PTER: variants seen among roughly 807,000 people sequenced by gnomAD.
PTER encodes phosphotriesterase related.
Under a neutral mutation model 29.6 loss-of-function variants are expected in PTER, and 38 were observed. The observed-to-expected ratio is 1.28, with a 90% CI of 0.99 to 1.68. The LOEUF (loss-of-function observed/expected upper bound fraction) is 1.68. Ranked by LOEUF, PTER falls within the 40% of genes most tolerant of loss-of-function variation. The pLI, the probability that PTER is intolerant of heterozygous loss-of-function variation, is 0.00. For synonymous variants in PTER, 172 were observed against 154.5 expected (o/e 1.11, Z -0.84); for missense variants, 482 against 427.8 (o/e 1.13, Z -1.12).
At chr10:16,516,031 T>G (rs1344605668), downstream of PTER, among the ~76,000 whole-genome samples, 10 of 152,194 alleles carry the variant, frequency 6.6e-5, no homozygotes, top group Admixed American at 1.3e-4. Flanking sequence ...AGTCTCACGT[T>G]AATGCTGAAA....
At chr10:16,439,673 A>T (rs1243263428) in intron 1 of PTER, among the ~76,000 whole-genome samples, 1 of 152,208 alleles carries the variant, frequency 6.6e-6, no homozygotes, top group African/African-American at 2.4e-5. Context: ...TACAGGACCC[A>T]TTCATACAGG....
chr10:16,509,267 G>A (rs1836717998), intron 4 of PTER, among the ~76,000 whole-genome samples: 1 of 151,518 alleles, frequency 6.6e-6, no homozygotes, highest in Non-Finnish European at 1.5e-5. Context: ...ATGATTGTGT[G>A]TCCAGAGCCA....
At chr10:16,502,888 C>G (rs561751136) in intron 3 of PTER, among the ~76,000 whole-genome samples, 2 of 149,036 alleles carry the variant, frequency 1.3e-5, no homozygotes, top group Non-Finnish European at 3.0e-5. Context: ...ACTCGGGAGG[C>G]TGAAGCAAGA....
intron 1 of PTER, among the ~76,000 whole-genome samples, chr10:16,456,767 T>G (rs914311961): frequency 2.7e-5 from 4 of 147,500 alleles, no homozygotes; most frequent in African/African-American, 1.0e-4. Context: ...GGTTTGGCTG[T>G]GTCCCCATCC....
At chr10:16,497,378 T>G (rs894275113) in intron 3 of PTER, among the ~76,000 whole-genome samples, 3 of 106,932 alleles carry the variant, frequency 2.8e-5, no homozygotes, top group African/African-American at 1.1e-4. Flanking sequence ...TATTTGTACT[T>G]CAATGTTTTT....
rs1833758912 is a variant in PTER at position 16,439,032 on chromosome 10, G to GT, written c.-49+1992dup. 2.6e-5 allele frequency among the ~76,000 whole-genome samples: 4 copies of GT among 152,074 alleles called. No individual in the cohort carries two copies. In the South Asian group the frequency reaches 8.3e-4, roughly 32 times the overall value. On this transcript the variant is annotated intron_variant, in intron 1 of 4. Transcript: ENST00000535784. ...TACCATTTAATGATATTTTGGGCCA[G>GT]TTTTTTTCCTTTTTAATTGGGCAGC...
At chr10:16,508,694 A>ATT (rs770118284) in intron 4 of PTER, among the ~76,000 whole-genome samples, 63 of 152,192 alleles carry the variant, frequency 4.1e-4, no homozygotes, top group Non-Finnish European at 6.3e-4. Flanking sequence ...GTGTATATAT[A>ATT]TATAAAATAC....
intron 1 of PTER, among the ~76,000 whole-genome samples, chr10:16,467,600 T>A (rs543970132): frequency 2.0e-5 from 3 of 152,066 alleles, no homozygotes; most frequent in Non-Finnish European, 2.9e-5. Flanking sequence ...TCACCTGAGG[T>A]CAGGAGTTCG....
intron 3 of PTER, among the ~76,000 whole-genome samples, chr10:16,500,406 C>T (rs1836289577): frequency 6.6e-6 from 1 of 151,874 alleles, no homozygotes; most frequent in South Asian, 2.1e-4. Context: ...CACACCACCA[C>T]ACCCTGCTAA....
chr10:16,484,307 G>A lies in PTER; in HGVS notation c.-48-30G>A. On this transcript the variant is annotated intron_variant, in intron 1 of 4. Transcript: ENST00000535784. The stretch of plus-strand genomic sequence containing the variant: ...TATGTGTGTGTTAAATATTCTGATT[G>A]TAGTTGTTTGTTTGTTTGTTTGTTT... 3.0e-6 allele frequency: 4 copies of A among 1,325,488 alleles called. No individual in the cohort carries two copies. The South Asian group carries it at 4.3e-5, about 14-fold the overall frequency. 82.1% of individuals were successfully genotyped at this position (1,325,488 alleles called of 1,614,324 possible).
At chr10:16,505,389 A>G (rs1312252680) in intron 4 of PTER, among the ~76,000 whole-genome samples, 3 of 152,194 alleles carry the variant, frequency 2.0e-5, no homozygotes, top group Admixed American at 6.5e-5. Flanking sequence ...TTAGAAGTTC[A>G]GTGCAGATGG....
chr10:16,447,983 T>C (rs1020292710), intron 1 of PTER, among the ~76,000 whole-genome samples: 2 of 152,234 alleles, frequency 1.3e-5, no homozygotes, highest in African/African-American at 2.4e-5. Context: ...GGAATGCTGC[T>C]GTGTACACCC....
At chr10:16,515,762 G>A (rs1205424998), downstream of PTER, among the ~76,000 whole-genome samples, 1 of 152,080 alleles carries the variant, frequency 6.6e-6, no homozygotes, top group Non-Finnish European at 1.5e-5. Flanking sequence ...ACTTAGATTT[G>A]ATTTATTTCA....
At position 16,511,152 on chromosome 10, in the gene PTER, A is replaced by G; in HGVS notation, c.946A>G (p.Ile316Val). The G allele has an allele frequency of 1.2e-6, 2 of 1,614,172 alleles. No homozygotes were observed. Among genetic ancestry groups the G allele is most frequent in the Non-Finnish European group, 1.7e-6 (2 of 1,180,002 alleles). The change falls in exon 5 of 5, where the codon ATA becomes GTA. Residue 316 changes from isoleucine (I) to valine (V), a missense_variant. Transcript: ENST00000535784. ...ATATGGAGGTCACGGCTATTCTCAT[A>G]TACTCACCAATGTTGTTCCTAAAAT... is the stretch of plus-strand genomic sequence containing the variant. Reference protein sequence around the residue: ...MKYGGHGYSHILTNVVPKMLL... With the variant: ...MKYGGHGYSHVLTNVVPKMLL...
intron 1 of PTER, among the ~76,000 whole-genome samples, chr10:16,482,844 C>T (rs11254017): frequency 0.34 from 51,622 of 151,854 alleles, 9,540 homozygotes; most frequent in Middle Eastern, 0.59. Flanking sequence ...TGCAGTGGCG[C>T]GATCTCGGCT....
At chr10:16,437,222 G>C (rs2133345260) in intron 1 of PTER, 175 bp downstream of exon 1, 1 of 152,414 alleles carries the variant, frequency 6.6e-6, no homozygotes, top group South Asian at 2.1e-4. Flanking sequence ...CTCCTTAAGT[G>C]CTTGAGGGAC....
chr10:16,447,248 A>G (rs117013649), intron 1 of PTER, among the ~76,000 whole-genome samples: 2,735 of 151,310 alleles, frequency 0.018, 36 homozygotes, highest in Admixed American at 0.029. Flanking sequence ...CGACAGGCAC[A>G]TGCCACACCT....
At chr10:16,465,313 A>G (rs1213199325) in intron 1 of PTER, among the ~76,000 whole-genome samples, 1 of 152,166 alleles carries the variant, frequency 6.6e-6, no homozygotes, top group Non-Finnish European at 1.5e-5. Flanking sequence ...TTTCTTTTTC[A>G]TCTTCGTTTC....
chr10:16,453,851 C>T (rs1254807751), intron 1 of PTER, among the ~76,000 whole-genome samples: 1 of 152,138 alleles, frequency 6.6e-6, no homozygotes, highest in East Asian at 1.9e-4. Flanking sequence ...TCATTTAGAG[C>T]CCATGTAACA....
Sources: gnomAD v4.1 joint callset for allele counts (sites outside exome capture counted in the v4.1 genomes callset) on GRCh38, gnomAD v4.1.1 for gene constraint, MANE v1.5 for transcripts, NCBI Gene and HGNC (gene_info 2026-07-23, HGNC 2026-07-21) for gene names.